Variants in CHMP2B observed in about 807,000 individuals in gnomAD.
CHMP2B encodes VPS2 homolog B.
A neutral mutation model predicts 29.8 loss-of-function variants in CHMP2B; 22 were observed. The observed-to-expected ratio is 0.74, with a 90% CI of 0.53 to 1.05. CHMP2B has a LOEUF of 1.05. Among genes scored for constraint, CHMP2B ranks in the 50% least tolerant of loss-of-function variants. The pLI is 0.00. For missense variants in CHMP2B, 261 were observed against 252.2 expected (o/e 1.03, Z -0.24); for synonymous variants, 78 against 75.8 (o/e 1.03, Z -0.15).
intron 1 of CHMP2B, among the ~76,000 whole-genome samples, chr3:87,235,128 A>G (rs753642537): frequency 6.6e-6 from 1 of 152,238 alleles, no homozygotes; most frequent in Non-Finnish European, 1.5e-5. Flanking sequence ...ACAAGCAAAT[A>G]AATAAATATA....
intron 1 of CHMP2B, among the ~76,000 whole-genome samples, chr3:87,232,301 A>G (rs537243445): frequency 3.3e-5 from 5 of 152,298 alleles, no homozygotes; most frequent in Non-Finnish European, 7.4e-5. Flanking sequence ...TTGTGATGCC[A>G]CATTTCTGAT....
At position 87,253,532 on chromosome 3, in the gene CHMP2B, A is replaced by G. The variant is rs375743465; in HGVS notation, c.531+22A>G. ...AAAGGTATGAACATCATCTTTTCTTAGTTGGAAATAGTTTCTGCCTACCAC... is the reference window on the plus strand; with the variant it reads ...AAAGGTATGAACATCATCTTTTCTTGGTTGGAAATAGTTTCTGCCTACCAC... On this transcript the variant is annotated intron_variant, in intron 5 of 5. Transcript: ENST00000263780. The G allele has an allele frequency of 2.8e-4, 421 of 1,486,654 alleles. 1 individual carries two copies. Among genetic ancestry groups the G allele is most frequent in the Middle Eastern group, 1.4e-3 (8 of 5,836 alleles). 92.1% of individuals were successfully genotyped at this position (1,486,654 alleles called of 1,614,324 possible).
intron 3 of CHMP2B, 129 bp downstream of exon 3, chr3:87,246,037 A>G: frequency 1.5e-6 from 1 of 676,090 alleles, no homozygotes; most frequent in South Asian, 1.9e-5. Flanking sequence ...TTTTTAGTAA[A>G]ATGAGTTATA....
chr3:87,240,263 A>C (rs1706090849), intron 1 of CHMP2B: 1 of 152,322 alleles, frequency 6.6e-6, no homozygotes, highest in African/African-American at 2.4e-5. Flanking sequence ...TATTAAAGTA[A>C]AAAAAATATT....
At chr3:87,230,080 A>G (rs1705879311) in intron 1 of CHMP2B, among the ~76,000 whole-genome samples, 1 of 152,152 alleles carries the variant, frequency 6.6e-6, no homozygotes, top group Non-Finnish European at 1.5e-5. Flanking sequence ...ATAGTGTGTT[A>G]TGTTTACCTA....
rs1705828541 is a variant in CHMP2B at position 87,227,432 on chromosome 3, A to G, written c.-91A>G. On this transcript the variant is annotated 5_prime_UTR_variant, in exon 1 of 6. Transcript: ENST00000263780. Reference sequence around the variant, plus strand: ...CTGTCTCTCCGCTCCGCCACCCCGAACCCGCCAAGGTCCTGTCCTTTTCCT... The same window carrying G: ...CTGTCTCTCCGCTCCGCCACCCCGAGCCCGCCAAGGTCCTGTCCTTTTCCT... 1.3e-6 allele frequency: 2 copies of G among 1,518,406 alleles called. No homozygotes were observed. Among genetic ancestry groups the G allele is most frequent in the East Asian group, 2.3e-5 (1 of 44,324 alleles). 94.1% of individuals were successfully genotyped at this position (1,518,406 alleles called of 1,614,324 possible). A position where few individuals can be genotyped will look rare whatever the true frequency, so the allele number is the denominator to read the frequency against.
chr3:87,244,318 A>G (rs569244798), intron 2 of CHMP2B, among the ~76,000 whole-genome samples: 2 of 151,846 alleles, frequency 1.3e-5, no homozygotes, highest in South Asian at 4.1e-4. Context: ...TGTTGGGATT[A>G]CAGGCGTGAG....
intron 1 of CHMP2B, 133 bp downstream of exon 1, chr3:87,227,689 C>G: frequency 1.8e-6 from 2 of 1,117,542 alleles, no homozygotes; most frequent in Non-Finnish European, 2.7e-6. Flanking sequence ...TGACCGCCCT[C>G]GCGGCACCAC....
chr3:87,252,557 C>T (rs1706334290), intron 4 of CHMP2B, among the ~76,000 whole-genome samples: 1 of 151,860 alleles, frequency 6.6e-6, no homozygotes, highest in Non-Finnish European at 1.5e-5. Context: ...CATGTAACTT[C>T]CTCCCAGTTG....
intron 1 of CHMP2B, among the ~76,000 whole-genome samples, chr3:87,229,226 GAA>G (rs948565245): frequency 6.6e-6 from 1 of 151,928 alleles, no homozygotes; most frequent in Non-Finnish European, 1.5e-5. Flanking sequence ...GTAGAGGAGA[GAA>G]AAAAAGACAA....
At chr3:87,253,682 C>T (rs759654074) in intron 5 of CHMP2B, 30 bp from the exon 6 acceptor site, 3 of 1,564,812 alleles carry the variant, frequency 1.9e-6, no homozygotes, top group Non-Finnish European at 2.6e-6. Context: ...TTTCCTAATG[C>T]ACGTTTGTCT....
At chr3:87,227,956 A>T (rs1184026549) in intron 1 of CHMP2B, among the ~76,000 whole-genome samples, 2 of 152,178 alleles carry the variant, frequency 1.3e-5, no homozygotes, top group Non-Finnish European at 2.9e-5. Context: ...GGAAACTGGC[A>T]GTCTCGGAAT....
rs1706384373 is a variant in CHMP2B at position 87,255,274 on chromosome 3, GT to G, written c.*1456del. 6.6e-6 allele frequency: 1 copy of G among 152,368 alleles called. No individual in the cohort carries two copies. Among genetic ancestry groups the G allele is most frequent in the African/African-American group, 2.4e-5 (1 of 41,412 alleles). 9.4% of individuals were successfully genotyped at this position (152,368 alleles called of 1,614,324 possible). A position where few individuals can be genotyped will look rare whatever the true frequency, so the allele number is the denominator to read the frequency against. ...CCATTTTATAATGTTCAAAGATTAG[GT>G]TTTGTTATTGATAGTATTAAATACA... On this transcript the variant is annotated 3_prime_UTR_variant, in exon 6 of 6. Transcript: ENST00000263780.
intron 1 of CHMP2B, among the ~76,000 whole-genome samples, chr3:87,236,475 A>C (rs1185207287): frequency 6.6e-6 from 1 of 152,142 alleles, no homozygotes; most frequent in Non-Finnish European, 1.5e-5. Flanking sequence ...GTTGCTGTGC[A>C]CCTGTGTCAA....
chr3:87,246,094 T>C (rs903544941), intron 3 of CHMP2B, among the ~76,000 whole-genome samples, 186 bp downstream of exon 3: 2 of 152,066 alleles, frequency 1.3e-5, no homozygotes, highest in African/African-American at 4.8e-5. Context: ...TATTGATATG[T>C]TTTAATACAA....
intron 3 of CHMP2B, among the ~76,000 whole-genome samples, chr3:87,247,701 G>T (rs888781800): frequency 1.4e-4 from 22 of 152,166 alleles, no homozygotes; most frequent in Non-Finnish European, 3.1e-4. Context: ...TACAAATAAG[G>T]AGTATTAACT....
chr3:87,233,773 T>C (rs1451359548), intron 1 of CHMP2B, among the ~76,000 whole-genome samples: 1 of 152,228 alleles, frequency 6.6e-6, no homozygotes, highest in East Asian at 1.9e-4. Flanking sequence ...ATTTTGTTTC[T>C]ATCTCAATTG....
intron 1 of CHMP2B, 121 bp downstream of exon 1, chr3:87,227,677 G>A: frequency 7.8e-7 from 1 of 1,284,526 alleles, no homozygotes; most frequent in Non-Finnish European, 1.1e-6. Context: ...TGGTCCCACA[G>A]GTGACCGCCC....
In CHMP2B at chr3:87,227,486, C is replaced by A. The variant is rs368463124; in HGVS notation, c.-37C>A. On this transcript the variant is annotated 5_prime_UTR_variant, in exon 1 of 6. Transcript: ENST00000263780. ...GTCCTTTGCCAGCGTTGGGCCGGAC[C>A]GGGCCGAGCCGGGCCGCCCGGGCGC... 7 of 1,613,696 alleles carry A rather than the reference C, an allele frequency of 4.3e-6. No homozygotes were observed. The highest frequency in any genetic ancestry group is 5.1e-6 in the Non-Finnish European group (6 of 1,179,770).
Sources: allele counts gnomAD v4.1 joint callset (sites outside exome capture counted in the v4.1 genomes callset), GRCh38; gene constraint gnomAD v4.1.1; transcripts MANE v1.5; gene names NCBI Gene and HGNC (gene_info 2026-07-23, HGNC 2026-07-21).